THSD4: variants seen among roughly 807,000 people sequenced by gnomAD.
The protein encoded by THSD4 is thrombospondin type 1 domain containing 4.
In THSD4, 69 loss-of-function variants were observed where a neutral mutation model predicts 119.0. That is an observed-to-expected ratio of 0.58 (90% CI 0.48 to 0.71). The LOEUF (loss-of-function observed/expected upper bound fraction) is 0.71. Ranked by LOEUF, THSD4 falls within the 30% of genes least tolerant of loss-of-function variation. The pLI is 0.00. For synonymous variants in THSD4, 524 were observed against 540.4 expected (o/e 0.97, Z 0.42); for missense variants, 1,393 against 1,391.1 (o/e 1.00, Z -0.02).
At chr15:71,524,021 G>A (rs62024436) in intron 7 of THSD4, among the ~76,000 whole-genome samples, 38,531 of 152,102 alleles carry the variant, frequency 0.25, 5,937 homozygotes, top group Middle Eastern at 0.41. Context: ...CTAGAGGACA[G>A]TCTTTCCCAT....
At position 71,746,990 on chromosome 15, in the gene THSD4, C is replaced by T; in HGVS notation, c.2189C>T (p.Thr730Ile). The T allele has an allele frequency of 1.2e-6, 2 of 1,613,482 alleles. No homozygotes were observed. Among genetic ancestry groups the T allele is most frequent in the Non-Finnish European group, 1.7e-6 (2 of 1,179,966 alleles). ...QHLEKPETTS[T>I]CQLKICSEWQ... is the part of the protein sequence containing the mutation. Reference sequence around the variant, plus strand: ...CTGGAGAAACCTGAGACCACCAGCACCTGCCAACTCAAGATCTGCAGCGAG... The same window carrying T: ...CTGGAGAAACCTGAGACCACCAGCATCTGCCAACTCAAGATCTGCAGCGAG... The change falls in exon 13 of 18, where the codon ACC (threonine) becomes ATC (isoleucine). Residue 730 changes from threonine to isoleucine, a missense_variant. Transcript: ENST00000261862.
chr15:71,153,143 C>G (rs547315299), intron 2 of THSD4, among the ~76,000 whole-genome samples: 2 of 152,258 alleles, frequency 1.3e-5, no homozygotes, highest in African/African-American at 4.8e-5. Context: ...CCCCAGATAC[C>G]AGGGCATCCG....
chr15:71,238,330 G>A (rs566888612), intron 4 of THSD4, among the ~76,000 whole-genome samples: 3 of 152,162 alleles, frequency 2.0e-5, no homozygotes, highest in South Asian at 2.1e-4. Flanking sequence ...CTTACATACC[G>A]TAAAAATCAC....
intron 6 of THSD4, among the ~76,000 whole-genome samples, chr15:71,349,569 T>C (rs7179630): frequency 0.29 from 44,337 of 152,008 alleles, 6,613 homozygotes; most frequent in African/African-American, 0.33. Flanking sequence ...TTGAGAAGCC[T>C]GTATTTTCCC....
At chr15:71,581,609 C>A (rs2049560441) in intron 7 of THSD4, among the ~76,000 whole-genome samples, 1 of 148,588 alleles carries the variant, frequency 6.7e-6, no homozygotes, top group Admixed American at 6.7e-5. Context: ...GGACCAGTGT[C>A]AAAAAACTTT....
At chr15:71,465,382 G>A (rs2047485831) in intron 7 of THSD4, among the ~76,000 whole-genome samples, 1 of 152,166 alleles carries the variant, frequency 6.6e-6, no homozygotes, top group Non-Finnish European at 1.5e-5. Context: ...TAATTAGGGT[G>A]GCTGTGAGAG....
At position 71,487,577 on chromosome 15, in the gene THSD4, T is replaced by C. The variant is rs191355012; in HGVS notation, c.1152+75754T>C. Among the ~76,000 whole-genome samples, 55 of 152,354 alleles carry C rather than the reference T, an allele frequency of 3.6e-4. No individual in the cohort carries two copies. In the South Asian group the frequency reaches 5.4e-3, roughly 15 times the overall value. ...ATAGAAAAAAATCTTCTTTGACTTA[T>C]GTTTGCAGTTCCCCTTATGGCCAGC... is the stretch of plus-strand genomic sequence containing the variant. On this transcript the variant is annotated intron_variant, in intron 7 of 17. Coordinates refer to ENST00000261862, the MANE Select transcript of THSD4 (RefSeq NM_024817.3).
chr15:71,647,942 A>G (rs1259150189), intron 7 of THSD4, among the ~76,000 whole-genome samples: 1 of 152,172 alleles, frequency 6.6e-6, no homozygotes, highest in Non-Finnish European at 1.5e-5. Context: ...CATGTTGGGG[A>G]AAGCCCGAGA....
At chr15:71,484,988 TACAAAC>T (rs2047793087) in intron 7 of THSD4, among the ~76,000 whole-genome samples, 1 of 152,232 alleles carries the variant, frequency 6.6e-6, no homozygotes, top group South Asian at 2.1e-4. Flanking sequence ...CTAGGTGATC[TACAAAC>T]ATTTAAACCA....
At chr15:71,588,002 C>T (rs919557962) in intron 7 of THSD4, among the ~76,000 whole-genome samples, 1 of 150,118 alleles carries the variant, frequency 6.7e-6, no homozygotes, top group Admixed American at 6.7e-5. Context: ...TGTCAAGAAT[C>T]TCATTGTCAA....
At chr15:71,660,342 A>G (rs1407370175) in intron 7 of THSD4, 188 bp from the exon 8 acceptor site, 1 of 636,756 alleles carries the variant, frequency 1.6e-6, no homozygotes, top group Non-Finnish European at 2.7e-6. Flanking sequence ...CTGATCATTT[A>G]CCACCACCAA....
chr15:71,616,299 T>C (rs1044845895), intron 7 of THSD4, among the ~76,000 whole-genome samples: 3 of 152,196 alleles, frequency 2.0e-5, no homozygotes, highest in Admixed American at 6.5e-5. Flanking sequence ...GTGAATCTAA[T>C]TGTGGAATGT....
rs1306406023 is a variant in THSD4 at position 71,385,162 on chromosome 15, AC to A, written c.1016-26522del. 2.6e-5 allele frequency among the ~76,000 whole-genome samples: 4 copies of A among 152,076 alleles called. No individual in the cohort carries two copies. The East Asian group carries it at 7.7e-4, about 29-fold the overall frequency. On this transcript the variant is annotated intron_variant, in intron 6 of 17. Coordinates refer to ENST00000261862, the MANE Select transcript of THSD4 (RefSeq NM_024817.3). ...GTCCAGTTGCTTTCGTGACTTCCGA[AC>A]CCAATTCAGTTAAAAAAAAATTGCT...
chr15:71,146,058 T>A (rs980718747), intron 2 of THSD4, among the ~76,000 whole-genome samples: 2 of 152,234 alleles, frequency 1.3e-5, no homozygotes, highest in African/African-American at 4.8e-5. Context: ...ACCTTTTATG[T>A]ACAACAGATA....
intron 6 of THSD4, among the ~76,000 whole-genome samples, chr15:71,345,914 A>G (rs1227542349): frequency 6.6e-6 from 1 of 152,006 alleles, no homozygotes; most frequent in African/African-American, 2.4e-5. Flanking sequence ...CCAATGTGAT[A>G]CATTGCCACT....
intron 7 of THSD4, among the ~76,000 whole-genome samples, chr15:71,518,255 T>C (rs1431999383): frequency 2.0e-5 from 3 of 152,154 alleles, no homozygotes; most frequent in Admixed American, 6.5e-5. Flanking sequence ...GTGGAAAATT[T>C]AATTCCTCTT....
intron 7 of THSD4, among the ~76,000 whole-genome samples, chr15:71,489,748 T>G (rs751219952): frequency 2.6e-5 from 4 of 152,226 alleles, no homozygotes; most frequent in Non-Finnish European, 5.9e-5. Flanking sequence ...TTTTGGGTTA[T>G]TTCCACATGA....
intron 6 of THSD4, among the ~76,000 whole-genome samples, chr15:71,370,318 T>A (rs529534215): frequency 1.3e-5 from 2 of 152,348 alleles, no homozygotes; most frequent in South Asian, 4.1e-4. Flanking sequence ...TCTTGCCTTC[T>A]GCTAGCTTTT....
chr15:71,474,232 T>A lies in THSD4; in HGVS notation c.1152+62409T>A, dbSNP rs535306577. Among the ~76,000 whole-genome samples, 302 of 152,240 alleles carry A rather than the reference T, an allele frequency of 2.0e-3. 17 individuals carry two copies. The South Asian group carries it at 0.059, about 30-fold the overall frequency. ...CATCTTGCTATTTTATTTTATTTTTTTTTTTGAGATGGAGTCTCACTCTGT... is the reference window on the plus strand; with the variant it reads ...CATCTTGCTATTTTATTTTATTTTTATTTTTGAGATGGAGTCTCACTCTGT... On this transcript the variant is annotated intron_variant, in intron 7 of 17. Transcript: ENST00000261862.
Sources: gnomAD v4.1 joint callset for allele counts (sites outside exome capture counted in the v4.1 genomes callset) on GRCh38, gnomAD v4.1.1 for gene constraint, MANE v1.5 for transcripts, NCBI Gene and HGNC (gene_info 2026-07-23, HGNC 2026-07-21) for gene names.